TPTE: variants seen among roughly 807,000 people sequenced by gnomAD.
The protein encoded by TPTE is putative tyrosine-protein phosphatase TPTE.
In TPTE, 59 loss-of-function variants were observed where a neutral mutation model predicts 84.1. The ratio of observed to expected loss-of-function variants is 0.70; its 90% CI spans 0.57 to 0.87. The LOEUF (loss-of-function observed/expected upper bound fraction) is 0.87. Among genes scored for constraint, TPTE ranks in the 40% least tolerant of loss-of-function variants. The pLI is 0.00. For missense variants in TPTE, 382 were observed against 659.6 expected (o/e 0.58, Z 4.61); for synonymous variants, 130 against 223.5 (o/e 0.58, Z 3.73).
intron 10 of TPTE, among the ~76,000 whole-genome samples, chr21:10,565,346 G>A (rs1351891200): frequency 2.0e-5 from 3 of 152,296 alleles, no homozygotes; most frequent in Non-Finnish European, 4.4e-5. Flanking sequence ...ACTGATGAAA[G>A]AAATTGAAGA....
intron 3 of TPTE, among the ~76,000 whole-genome samples, chr21:10,531,223 A>G (rs533797691): frequency 4.5e-4 from 69 of 152,394 alleles, no homozygotes; most frequent in South Asian, 1.7e-3. Flanking sequence ...TTGATCCCCA[A>G]TGTCGGAGGT....
At chr21:10,524,151 C>G (rs1454268892) in intron 1 of TPTE, among the ~76,000 whole-genome samples, 2 of 152,306 alleles carry the variant, frequency 1.3e-5, no homozygotes, top group Non-Finnish European at 2.9e-5. Context: ...AGGTAAAGAC[C>G]TAGAGGTGAG....
chr21:10,597,939 C>A lies in TPTE; in HGVS notation c.1277-76C>A. 3.2e-6 allele frequency: 5 copies of A among 1,548,380 alleles called. No homozygotes were observed. In the South Asian group the frequency reaches 5.8e-5, roughly 18 times the overall value. On this transcript the variant is annotated intron_variant, in intron 20 of 23. Coordinates refer to ENST00000618007, the MANE Select transcript of TPTE (RefSeq NM_199261.4). ...TGGATAATTTTTTCTCATTTTAATC[C>A]ATGATGTTAATTGGTGAGACATATT...
At chr21:10,539,245 GCAGAAAAGAA>G (rs1215979876) in intron 4 of TPTE, among the ~76,000 whole-genome samples, 34 of 152,404 alleles carry the variant, frequency 2.2e-4, no homozygotes, top group South Asian at 1.0e-3. Flanking sequence ...GAAGCCCTGG[GCAGAAAAGAA>G]CAGAGCTAAT....
intron 7 of TPTE, among the ~76,000 whole-genome samples, chr21:10,545,563 C>G (rs1304731561): frequency 6.6e-6 from 1 of 152,306 alleles, no homozygotes; most frequent in Non-Finnish European, 1.5e-5. Context: ...TTTGATATAA[C>G]TCACCTTTCA....
At chr21:10,575,270 A>C (rs1408421658) in intron 14 of TPTE, among the ~76,000 whole-genome samples, 1 of 152,308 alleles carries the variant, frequency 6.6e-6, no homozygotes, top group African/African-American at 2.4e-5. Flanking sequence ...CTCTTTAAGC[A>C]GGACCCCAAT....
chr21:10,598,548 A>G (rs541025525), intron 21 of TPTE, among the ~76,000 whole-genome samples: 1 of 152,428 alleles, frequency 6.6e-6, no homozygotes, highest in East Asian at 1.9e-4. Context: ...AGTATGATTC[A>G]GGAAATCTGG....
chr21:10,555,362 A>G (rs1317890355), intron 8 of TPTE, among the ~76,000 whole-genome samples: 1 of 152,286 alleles, frequency 6.6e-6, no homozygotes, highest in Non-Finnish European at 1.5e-5. Context: ...ATGCACCACC[A>G]CGCCCAGCTA....
At chr21:10,540,041 CA>C (rs869062437) in intron 4 of TPTE, among the ~76,000 whole-genome samples, 1 of 47,822 alleles carries the variant, frequency 2.1e-5, no homozygotes, top group African/African-American at 5.1e-5. Flanking sequence ...CAAACAAAAA[CA>C]AAAAACCAAA....
chr21:10,597,123 C>A, intron 20 of TPTE, among the ~76,000 whole-genome samples: 1 of 152,306 alleles, frequency 6.6e-6, no homozygotes, highest in Non-Finnish European at 1.5e-5. Flanking sequence ...GCTGAGAAAC[C>A]AAGTCTTTGA....
In TPTE at chr21:10,605,649, G is replaced by T. The variant is rs968092902; in HGVS notation, c.*97G>T. On this transcript the variant is annotated 3_prime_UTR_variant, in exon 24 of 24. Transcript: ENST00000618007. ...AAATCTATCCTAAATGTTCCTTGAA[G>T]TATTTATTTATGTTTATATATGTTT... The T allele has an allele frequency of 1.3e-6, 2 of 1,573,522 alleles. No homozygotes were observed. Among genetic ancestry groups the T allele is most frequent in the Non-Finnish European group, 1.7e-6 (2 of 1,163,340 alleles).
At chr21:10,552,853 C>G (rs1310053004) in intron 8 of TPTE, 137 bp downstream of exon 8, 1 of 1,447,766 alleles carries the variant, frequency 6.9e-7, no homozygotes, top group Non-Finnish European at 9.4e-7. Context: ...GGAGTGTACA[C>G]CGTATTTACT....
At chr21:10,557,532 T>G (rs1488907849) in intron 8 of TPTE, among the ~76,000 whole-genome samples, 1 of 152,306 alleles carries the variant, frequency 6.6e-6, no homozygotes, top group African/African-American at 2.4e-5. Context: ...TAGTAGACTG[T>G]GTGGGATCAG....
chr21:10,556,545 T>G (rs1198895268), intron 8 of TPTE, among the ~76,000 whole-genome samples: 1 of 152,312 alleles, frequency 6.6e-6, no homozygotes, highest in African/African-American at 2.4e-5. Context: ...TATAATCCTT[T>G]GGGTATATAC....
intron 14 of TPTE, chr21:10,576,228 C>T (rs4094944): frequency 4.2e-4 from 73 of 171,870 alleles, no homozygotes; most frequent in African/African-American, 1.6e-3. Context: ...GTACATAGAG[C>T]GGGACATCTG....
chr21:10,545,714 G>A (rs1220079489), intron 7 of TPTE, among the ~76,000 whole-genome samples: 1 of 151,878 alleles, frequency 6.6e-6, no homozygotes, highest in Admixed American at 6.6e-5. Flanking sequence ...AGCTATATAT[G>A]TAATATATAT....
At chr21:10,601,224 G>C (rs1472132658) in intron 21 of TPTE, among the ~76,000 whole-genome samples, 1 of 152,304 alleles carries the variant, frequency 6.6e-6, no homozygotes, top group Non-Finnish European at 1.5e-5. Context: ...GTGCCTCATA[G>C]CTGGGCACGG....
In TPTE at chr21:10,561,065, C is replaced by G. The variant is rs762040852; in HGVS notation, c.320C>G (p.Thr107Ser). 278 of 1,611,886 alleles carry G rather than the reference C, an allele frequency of 1.7e-4. No homozygotes were observed. In the East Asian group the frequency reaches 5.9e-3, roughly 34 times the overall value. Residue 107 changes from threonine to serine, a missense_variant, in exon 10 of 24, where the codon ACT (threonine) becomes AGT (serine). By Grantham distance (58) the Thr-to-Ser change is moderately conservative. This residue lies in a region of TPTE where 85 missense variants were observed against 230.9 expected (regional missense o/e 0.37). Coordinates refer to ENST00000618007, the MANE Select transcript of TPTE (RefSeq NM_199261.4). Reference sequence around the variant, plus strand: ...GTTTTCCTGGTCTTACTGGATGTCACTCTCATCCTTGCCGACCTAATTTTC... The same window carrying G: ...GTTTTCCTGGTCTTACTGGATGTCAGTCTCATCCTTGCCGACCTAATTTTC... ...FGVFLVLLDV[T>S]LILADLIFTD...
intron 7 of TPTE, among the ~76,000 whole-genome samples, chr21:10,551,934 T>C (rs545497765): frequency 9.1e-4 from 138 of 152,360 alleles, no homozygotes; most frequent in African/African-American, 3.2e-3. Context: ...TTCAACAAAG[T>C]CCAGGACCTG....
Sources: allele counts gnomAD v4.1 joint callset (sites outside exome capture counted in the v4.1 genomes callset), GRCh38; gene constraint gnomAD v4.1.1; regional missense constraint gnomAD v4.1.1; transcripts MANE v1.5; gene names NCBI Gene and HGNC (gene_info 2026-07-23, HGNC 2026-07-21).